The following CDC42 variants were observed in gnomAD, a reference collection of about 807,000 sequenced individuals.
The protein encoded by CDC42 is cell division control protein 42 homolog.
A neutral mutation model predicts 20.8 loss-of-function variants in CDC42; 1 was observed. That is an observed-to-expected ratio of 0.05 (90% confidence interval 0.02 to 0.23). CDC42 has a LOEUF of 0.23. Ranked by LOEUF, CDC42 falls within the 10% of genes least tolerant of loss-of-function variation. The pLI, the probability that CDC42 is intolerant of heterozygous loss-of-function variation, is 1.00. For missense variants in CDC42, 49 were observed against 227.9 expected (o/e 0.21, Z 5.05); for synonymous variants, 72 against 84.8 (o/e 0.85, Z 0.83).
intron 1 of CDC42, among the ~76,000 whole-genome samples, chr1:22,068,987 G>A (rs1645453109): frequency 6.6e-6 from 1 of 152,132 alleles, no homozygotes; most frequent in South Asian, 2.1e-4. Flanking sequence ...CACTGGAATT[G>A]TTGCTCCAAG....
At chr1:22,059,002 T>A (rs909504141) in intron 1 of CDC42, among the ~76,000 whole-genome samples, 6 of 22,472 alleles carry the variant, frequency 2.7e-4, no homozygotes, top group African/African-American at 1.8e-3. Flanking sequence ...ATATATATAT[T>A]TTTGTAGAGA....
intron 5 of CDC42, chr1:22,090,005 A>T: frequency 6.2e-7 from 1 of 1,614,038 alleles, no homozygotes. Context: ...CGGAAACTCA[A>T]CCCAAAAGGA....
chr1:22,092,856 G>T lies in CDC42; in HGVS notation c.*1339G>T, dbSNP rs976946007. 1 of 152,546 alleles carries T rather than the reference G, an allele frequency of 6.6e-6. No individual in the cohort carries two copies. The highest frequency in any genetic ancestry group is 6.5e-5 in the Admixed American group (1 of 15,274). 9.4% of individuals were successfully genotyped at this position (152,546 alleles called of 1,614,324 possible). ...CTTCCCAAACCTAATTCTTGTAGAT[G>T]CATTAGTGTTGAACCAATGCTTTCT... On this transcript the variant is annotated 3_prime_UTR_variant, in exon 6 of 6. Coordinates refer to ENST00000656825, the MANE Select transcript of CDC42 (RefSeq NM_001791.4).
At position 22,097,325 on chromosome 1, in the gene CDC42, C is replaced by T. The variant is rs1211857649; in HGVS notation, c.*5808C>T. ...AGGCTGGAGTGCAGTGGCGTGATCT[C>T]GGCTTGCTGCAATCTCTGCAATTCT... On this transcript the variant is annotated 3_prime_UTR_variant, in exon 6 of 6. Transcript: ENST00000656825. Among the ~76,000 whole-genome samples, 2 of 152,138 alleles carry T rather than the reference C, an allele frequency of 1.3e-5. No individual in the cohort carries two copies. Among genetic ancestry groups the T allele is most frequent in the Admixed American group, 6.5e-5 (1 of 15,276 alleles).
chr1:22,061,334 G>A (rs1343053655), intron 1 of CDC42, among the ~76,000 whole-genome samples: 1 of 151,522 alleles, frequency 6.6e-6, no homozygotes, highest in African/African-American at 2.4e-5. Flanking sequence ...CTTGAACCCG[G>A]GAGGTGGAGG....
At chr1:22,058,642 C>G (rs1645329661) in intron 1 of CDC42, among the ~76,000 whole-genome samples, 1 of 151,826 alleles carries the variant, frequency 6.6e-6, no homozygotes, top group Non-Finnish European at 1.5e-5. Flanking sequence ...GCCAGCATGC[C>G]TGGCTGATCT....
Position 22,100,010 on chromosome 1 carries a change from C to G in CDC42, c.*8493C>G, listed in dbSNP as rs12564033. Among the ~76,000 whole-genome samples the G allele has an allele frequency of 1.5e-5, 2 of 137,924 alleles. No homozygotes were observed. Among genetic ancestry groups the G allele is most frequent in the Admixed American group, 7.8e-5 (1 of 12,866 alleles). The allele number at this position is 137,924 out of a possible 152,430, so 90.5% of individuals were successfully genotyped here. A position where few individuals can be genotyped will look rare whatever the true frequency, so the allele number is the denominator to read the frequency against. Reference sequence around the variant, plus strand: ...GAGTCTGCTCAGCTGGCCTTTTTTTCTTTCTTCTTCTTCTTCTTCTTTTTT... The same window carrying G: ...GAGTCTGCTCAGCTGGCCTTTTTTTGTTTCTTCTTCTTCTTCTTCTTTTTT... On this transcript the variant is annotated 3_prime_UTR_variant, in exon 6 of 6. Coordinates refer to ENST00000656825, the MANE Select transcript of CDC42 (RefSeq NM_001791.4).
chr1:22,061,528 C>CTTTTTT lies in CDC42; in HGVS notation c.-51+8789_-51+8790insTTTTTT, dbSNP rs1404317396. ...GGTCAATCAGTTTAACTTCATGTTT[C>CTTTTTT]TTTCTTTTTTTTTTTTTTTTTTTTT... is the stretch of plus-strand genomic sequence containing the variant. On this transcript the variant is annotated intron_variant, in intron 1 of 5. Transcript: ENST00000656825. 5.8e-5 allele frequency among the ~76,000 whole-genome samples: 5 copies of CTTTTTT among 86,306 alleles called. 1 individual carries two copies. Among genetic ancestry groups the CTTTTTT allele is most frequent in the African/African-American group, 8.9e-5 (2 of 22,406 alleles). The allele number at this position is 86,306 out of a possible 152,430, so 56.6% of individuals were successfully genotyped here.
In CDC42 at chr1:22,078,567, C is replaced by T; in HGVS notation, c.89C>T (p.Ser30Leu). 6.2e-7 allele frequency: 1 copy of T among 1,611,700 alleles called. No homozygotes were observed. Among genetic ancestry groups the T allele is most frequent in the Non-Finnish European group, 8.5e-7 (1 of 1,178,134 alleles). Residue 30 changes from serine to leucine, a missense_variant, in exon 2 of 6, where the codon TCG becomes TTG. By Grantham distance (145) the Ser-to-Leu change is moderately radical (BLOSUM62 -2). Transcript: ENST00000656825. ...LISYTTNKFP[S>L]EYVPTVFDNY... ...TCCTACACAACAAACAAATTTCCAT[C>T]GGAATATGTACCGACTGTAAGTATA...
In CDC42 at chr1:22,097,909, G is replaced by A. The variant is rs528170551; in HGVS notation, c.*6392G>A. ...TTTCCCCAAAAGCAAATAAATGCTC[G>A]ATGGATTTTGGGTCCACCATGCATC... On this transcript the variant is annotated 3_prime_UTR_variant, in exon 6 of 6. Transcript: ENST00000656825. Among the ~76,000 whole-genome samples, 4 of 152,318 alleles carry A rather than the reference G, an allele frequency of 2.6e-5. No homozygotes were observed. In the East Asian group the frequency reaches 7.7e-4, roughly 29 times the overall value.
chr1:22,084,239 G>A (rs1447930031), intron 3 of CDC42, among the ~76,000 whole-genome samples: 3 of 149,348 alleles, frequency 2.0e-5, no homozygotes, highest in Admixed American at 1.3e-4. Context: ...AGGAACCTCC[G>A]TATTGTTTTC....
chr1:22,054,701 C>T (rs907572341), intron 1 of CDC42, among the ~76,000 whole-genome samples: 2 of 151,686 alleles, frequency 1.3e-5, no homozygotes, highest in Non-Finnish European at 2.9e-5. Context: ...AGTGTGTAGG[C>T]ATTACAGACC....
chr1:22,081,660 T>G, intron 2 of CDC42, 62 bp from the exon 3 acceptor site: 1 of 986,704 alleles, frequency 1.0e-6, no homozygotes, highest in Non-Finnish European at 1.6e-6. Context: ...GCTTAAGAGT[T>G]GTCCTGTCCC....
chr1:22,079,643 T>C (rs1212141760), intron 2 of CDC42, among the ~76,000 whole-genome samples: 1 of 152,154 alleles, frequency 6.6e-6, no homozygotes, highest in Non-Finnish European at 1.5e-5. Context: ...ATATTGATAT[T>C]TTGAATTGGC....
In CDC42 at chr1:22,091,688, C is replaced by A. The variant is rs183450341; in HGVS notation, c.*171C>A. On this transcript the variant is annotated 3_prime_UTR_variant, in exon 6 of 6. Coordinates refer to ENST00000656825, the MANE Select transcript of CDC42 (RefSeq NM_001791.4). Reference sequence around the variant, plus strand: ...CAAGGCCCATAGGTATGGCCCCCCCCTTCCCCCTCCCAGTACTAGTTAATT... The same window carrying A: ...CAAGGCCCATAGGTATGGCCCCCCCATTCCCCCTCCCAGTACTAGTTAATT... 4.9e-5 allele frequency: 20 copies of A among 409,106 alleles called. No homozygotes were observed. In the Admixed American group the frequency reaches 6.9e-4, roughly 14 times the overall value. 25.3% of individuals were successfully genotyped at this position (409,106 alleles called of 1,614,324 possible). A position where few individuals can be genotyped will look rare whatever the true frequency, so the allele number is the denominator to read the frequency against.
chr1:22,066,588 G>A (rs1327524452), intron 1 of CDC42, among the ~76,000 whole-genome samples: 1 of 152,134 alleles, frequency 6.6e-6, no homozygotes, highest in Non-Finnish European at 1.5e-5. Context: ...GATAATTATA[G>A]ATTATGACCT....
At chr1:22,088,715 T>C (rs1645687210) in intron 5 of CDC42, among the ~76,000 whole-genome samples, 1 of 152,234 alleles carries the variant, frequency 6.6e-6, no homozygotes, top group Admixed American at 6.5e-5. Context: ...CAGTTTCTAA[T>C]AGTCCTCCTC....
chr1:22,070,786 T>C (rs1378978461), intron 1 of CDC42, among the ~76,000 whole-genome samples: 4 of 151,060 alleles, frequency 2.6e-5, no homozygotes, highest in Non-Finnish European at 4.4e-5. Context: ...TTTTAAAAGT[T>C]GTAAGTTGCT....
intron 3 of CDC42, 94 bp from the exon 4 acceptor site, chr1:22,086,345 G>A (rs1645662318): frequency 1.4e-6 from 1 of 730,944 alleles, no homozygotes; most frequent in Non-Finnish European, 2.3e-6. Context: ...AGATAAGTAA[G>A]TTGCTTTTTG....
Sources: gnomAD v4.1 joint callset for allele counts (sites outside exome capture counted in the v4.1 genomes callset) on GRCh38, gnomAD v4.1.1 for gene constraint, MANE v1.5 for transcripts, NCBI Gene and HGNC (gene_info 2026-07-23, HGNC 2026-07-21) for gene names.